AAMDC: variants seen among roughly 807,000 people sequenced by gnomAD.
AAMDC encodes adipogenesis associated Mth938 domain containing.
A neutral mutation model predicts 15.5 loss-of-function variants in AAMDC; 16 were observed. The observed-to-expected ratio is 1.03, with a 90% CI of 0.70 to 1.57. The LOEUF (loss-of-function observed/expected upper bound fraction) is 1.57, where lower values mean the gene tolerates loss of function less well. AAMDC is among the 40% of genes most tolerant of loss of function. The pLI is 0.00. For synonymous variants in AAMDC, 51 were observed against 51.6 expected, an observed-to-expected ratio of 0.99 and a Z score of 0.05; for missense variants, 141 against 144.9, an observed-to-expected ratio of 0.97 and a Z score of 0.14.
At chr11:77,839,277 T>C (rs1351774617) in intron 1 of AAMDC, among the ~76,000 whole-genome samples, 1 of 152,174 alleles carries the variant, frequency 6.6e-6, no homozygotes, top group South Asian at 2.1e-4. Context: ...TAGCTAGCAC[T>C]ATAGGTGCAA....
At chr11:77,855,782 T>C (rs1298768668) in intron 2 of AAMDC, among the ~76,000 whole-genome samples, 1 of 148,754 alleles carries the variant, frequency 6.7e-6, no homozygotes, top group Non-Finnish European at 1.5e-5. Context: ...CCAGACCATG[T>C]CTTGAGTGTT....
At chr11:77,847,544 G>A (rs529552480) in intron 2 of AAMDC, among the ~76,000 whole-genome samples, 1 of 152,296 alleles carries the variant, frequency 6.6e-6, no homozygotes, top group African/African-American at 2.4e-5. Flanking sequence ...AAAAAGAATA[G>A]GAGGGCATGG....
At chr11:77,900,241 T>A (rs1255256954) in intron 5 of AAMDC, among the ~76,000 whole-genome samples, 7 of 152,064 alleles carry the variant, frequency 4.6e-5, no homozygotes, top group East Asian at 3.9e-4. Context: ...CTGGGACTAC[T>A]GGTGCATGCC....
intron 2 of AAMDC, among the ~76,000 whole-genome samples, chr11:77,861,995 C>T (rs185769838): frequency 4.6e-5 from 7 of 152,284 alleles, no homozygotes; most frequent in African/African-American, 1.7e-4. Flanking sequence ...CTCAATGCCT[C>T]CCTTAGTCTC....
intron 1 of AAMDC, among the ~76,000 whole-genome samples, chr11:77,823,459 G>A (rs975090703): frequency 1.3e-5 from 2 of 151,170 alleles, no homozygotes; most frequent in Admixed American, 6.6e-5. Flanking sequence ...GGCGAGGTGG[G>A]GTGGCTCATG....
At chr11:77,868,570 G>A (rs1951238260) in intron 2 of AAMDC, among the ~76,000 whole-genome samples, 1 of 147,360 alleles carries the variant, frequency 6.8e-6, no homozygotes, top group African/African-American at 2.5e-5. Flanking sequence ...TGTTGACCAG[G>A]CTGGTATCAA....
At chr11:77,872,964 T>C (rs1053319951), downstream of AAMDC, among the ~76,000 whole-genome samples, 4 of 151,966 alleles carry the variant, frequency 2.6e-5, no homozygotes, top group Non-Finnish European at 5.9e-5. Context: ...AAAGAAAAAA[T>C]TCAAGTATAA....
chr11:77,905,012 A>T (rs748709986), downstream of AAMDC, among the ~76,000 whole-genome samples: 1 of 152,204 alleles, frequency 6.6e-6, no homozygotes, highest in Non-Finnish European at 1.5e-5. Context: ...CTGGTAAAAG[A>T]TTATTTTGTT....
chr11:77,901,254 A>G (rs1952768800), downstream of AAMDC: 1 of 773,386 alleles, frequency 1.3e-6, no homozygotes, highest in African/African-American at 1.7e-5. Flanking sequence ...ATCTGATCCA[A>G]CAACAGAATT....
intron 2 of AAMDC, among the ~76,000 whole-genome samples, chr11:77,845,594 C>T (rs1363541106): frequency 6.6e-6 from 1 of 151,966 alleles, no homozygotes; most frequent in Non-Finnish European, 1.5e-5. Flanking sequence ...CCATGTCCAG[C>T]TCTTTTTGTA....
chr11:77,894,934 A>T (rs1028581217), intron 5 of AAMDC, among the ~76,000 whole-genome samples: 3 of 152,168 alleles, frequency 2.0e-5, no homozygotes, highest in Non-Finnish European at 4.4e-5. Context: ...CATTTTTTCC[A>T]TAGCGGTATA....
intron 5 of AAMDC, chr11:77,879,091 T>G (rs1270189926): frequency 6.2e-7 from 1 of 1,614,166 alleles, no homozygotes; most frequent in Non-Finnish European, 8.5e-7. Flanking sequence ...ACTGGAGTTG[T>G]AGGCCAGCAG....
intron 1 of AAMDC, among the ~76,000 whole-genome samples, chr11:77,828,038 C>T (rs532673038): frequency 4.6e-5 from 7 of 152,132 alleles, no homozygotes; most frequent in Non-Finnish European, 5.9e-5. Flanking sequence ...CTTTGGGAGG[C>T]GAGGTAGGTG....
intron 5 of AAMDC, chr11:77,883,933 T>C (rs771201870): frequency 6.2e-7 from 1 of 1,613,268 alleles, no homozygotes; most frequent in South Asian, 1.1e-5. Flanking sequence ...CATCTGAGCC[T>C]GGCCATCTGG....
At chr11:77,886,919 T>C (rs1044834387) in intron 5 of AAMDC, among the ~76,000 whole-genome samples, 4 of 151,564 alleles carry the variant, frequency 2.6e-5, no homozygotes, top group Non-Finnish European at 5.9e-5. Flanking sequence ...AGACACAACA[T>C]ACCAGAATCT....
At chr11:77,894,560 G>A (rs1952429987) in intron 5 of AAMDC, among the ~76,000 whole-genome samples, 1 of 152,210 alleles carries the variant, frequency 6.6e-6, no homozygotes, top group Admixed American at 6.5e-5. Flanking sequence ...TGCCCATTAA[G>A]CTCAAAGAAT....
intron 5 of AAMDC, among the ~76,000 whole-genome samples, chr11:77,884,493 G>A (rs145861211): frequency 8.0e-4 from 122 of 152,284 alleles, no homozygotes; most frequent in Middle Eastern, 6.8e-3. Context: ...AGCATCCTGG[G>A]GGACCTCCCA....
chr11:77,904,973 G>C (rs1421553662), downstream of AAMDC, among the ~76,000 whole-genome samples: 1 of 152,162 alleles, frequency 6.6e-6, no homozygotes, highest in African/African-American at 2.4e-5. Flanking sequence ...TTAGATATCA[G>C]CTTGACTAGA....
chr11:77,824,685 T>C (rs1398219727), intron 1 of AAMDC, among the ~76,000 whole-genome samples: 1 of 152,156 alleles, frequency 6.6e-6, no homozygotes, highest in African/African-American at 2.4e-5. Flanking sequence ...GCAATAGAAA[T>C]CAAAGTAGTT....
Sources: gnomAD v4.1 joint callset for allele counts (sites outside exome capture counted in the v4.1 genomes callset) on GRCh38, gnomAD v4.1.1 for gene constraint, MANE v1.5 for transcripts, NCBI Gene and HGNC (gene_info 2026-07-23, HGNC 2026-07-21) for gene names.